The following ADAM29 variants were observed in gnomAD, a reference collection of about 807,000 sequenced individuals.
The protein encoded by ADAM29 is disintegrin and metalloproteinase domain-containing protein 29.
For missense variants in ADAM29, 969 were observed against 1,001.8 expected (o/e 0.97, Z 0.44); for synonymous variants, 367 against 342.3 (o/e 1.07, Z -0.80).
intron 2 of ADAM29, among the ~76,000 whole-genome samples, chr4:174,925,503 T>A (rs1384577552): frequency 6.6e-6 from 1 of 152,212 alleles, no homozygotes; most frequent in Non-Finnish European, 1.5e-5. Context: ...ATTAAATGGT[T>A]CTTTTATTAA....
At position 174,975,458 on chromosome 4, in the gene ADAM29, T is replaced by C; in HGVS notation, c.-68T>C. 1 of 1,450,028 alleles carries C rather than the reference T, an allele frequency of 6.9e-7. No individual in the cohort carries two copies. The highest frequency in any genetic ancestry group is 9.1e-7 in the Non-Finnish European group (1 of 1,093,248). The allele number at this position is 1,450,028 out of a possible 1,614,324, so 89.8% of individuals were successfully genotyped here. A position where few individuals can be genotyped will look rare whatever the true frequency, so the allele number is the denominator to read the frequency against. On this transcript the variant is annotated 5_prime_UTR_variant, in exon 5 of 5. Coordinates refer to ENST00000359240, the MANE Select transcript of ADAM29 (RefSeq NM_014269.4). The stretch of plus-strand genomic sequence containing the variant: ...CACCACCTGTGACTCCAGCCCTGAC[T>C]TCTGCTCTGGACCAGTGTTTCCATA...
intron 4 of ADAM29, among the ~76,000 whole-genome samples, chr4:174,938,948 T>A (rs1263086831): frequency 1.3e-5 from 2 of 152,178 alleles, no homozygotes; most frequent in African/African-American, 2.4e-5. Flanking sequence ...CTGCAGTCTT[T>A]GTCTCCATCA....
In ADAM29 at chr4:174,926,643, AT is replaced by A. The variant is rs138833036; in HGVS notation, c.-450-4342del. Among the ~76,000 whole-genome samples the A allele has an allele frequency of 6.3e-3, 951 of 151,390 alleles. 6 individuals carry two copies. The highest frequency in any genetic ancestry group is 0.027 in the Middle Eastern group (8 of 294). The stretch of plus-strand genomic sequence containing the variant: ...TTAGGGAGTGTCGTGGTGCAAGCCT[AT>A]AATCCCTGCTACTCAGGAGGCTGAG... On this transcript the variant is annotated intron_variant, in intron 2 of 4. Transcript: ENST00000359240.
chr4:174,966,906 C>T (rs2111084929), intron 4 of ADAM29, among the ~76,000 whole-genome samples: 1 of 152,256 alleles, frequency 6.6e-6, no homozygotes, highest in African/African-American at 2.4e-5. Flanking sequence ...TCATTTCATC[C>T]CATCACTTTC....
At chr4:174,924,605 A>T (rs1486251394) in intron 2 of ADAM29, among the ~76,000 whole-genome samples, 5 of 152,230 alleles carry the variant, frequency 3.3e-5, no homozygotes, top group African/African-American at 1.2e-4. Flanking sequence ...CGACATATCA[A>T]TACAATGGAT....
chr4:174,923,560 T>TATATATGG (rs70947473), intron 2 of ADAM29, among the ~76,000 whole-genome samples: 272 of 115,908 alleles, frequency 2.3e-3, no homozygotes, highest in Middle Eastern at 5.5e-3. Context: ...TATATATATA[T>TATATATGG]ACACACACAC....
At chr4:174,932,721 A>G (rs1446042841) in intron 3 of ADAM29, among the ~76,000 whole-genome samples, 2 of 152,210 alleles carry the variant, frequency 1.3e-5, no homozygotes, top group Non-Finnish European at 2.9e-5. Context: ...CCCTTTGTCC[A>G]AACTAAATGA....
intron 2 of ADAM29, among the ~76,000 whole-genome samples, chr4:174,925,191 T>C (rs866941233): frequency 7.9e-5 from 12 of 152,248 alleles, no homozygotes; most frequent in Non-Finnish European, 1.6e-4. Flanking sequence ...GGATGGGACC[T>C]TGGAATCACA....
In ADAM29 at chr4:174,975,638, G is replaced by A; in HGVS notation, c.113G>A (p.Arg38Lys). 1 of 1,612,886 alleles carries A rather than the reference G, an allele frequency of 6.2e-7. No individual in the cohort carries two copies. The highest frequency in any genetic ancestry group is 8.5e-7 in the Non-Finnish European group (1 of 1,179,434). Residue 38 changes from arginine to lysine, a missense_variant, in exon 5 of 5, where the codon AGG becomes AAG. Arg to Lys is a conservative substitution (Grantham distance 26). Transcript: ENST00000359240. ...HSPPDVVIPV[R>K]ITGTTRGMTP... ...CCTCCGGATGTGGTGATTCCTGTGA[G>A]GATAACTGGCACCACCAGAGGCATG... is the stretch of plus-strand genomic sequence containing the variant.
rs1188083761 is a variant in ADAM29 at position 174,934,955 on chromosome 4, T to C, written c.-261-1978T>C. On this transcript the variant is annotated intron_variant, in intron 3 of 4. Coordinates refer to ENST00000359240, the MANE Select transcript of ADAM29 (RefSeq NM_014269.4). ...AAATTAATACTTTTAGTTCATATTA[T>C]ATTACCTGAATGGATAGAAAGAAAA... is the stretch of plus-strand genomic sequence containing the variant. Among the ~76,000 whole-genome samples, 4 of 152,194 alleles carry C rather than the reference T, an allele frequency of 2.6e-5. No individual in the cohort carries two copies. The East Asian group carries it at 7.7e-4, about 29-fold the overall frequency.
chr4:174,977,993 A>G lies in ADAM29; in HGVS notation c.*5A>G. ...CCTCCTGTGACGCCCTCCTAGAGCC[A>G]ACCTCAGTTGATGCCTTCCCAGAGT... On this transcript the variant is annotated 3_prime_UTR_variant, in exon 5 of 5. Coordinates refer to ENST00000359240, the MANE Select transcript of ADAM29 (RefSeq NM_014269.4). 1 of 1,600,554 alleles carries G rather than the reference A, an allele frequency of 6.2e-7. No homozygotes were observed. Among genetic ancestry groups the G allele is most frequent in the African/African-American group, 1.3e-5 (1 of 74,648 alleles).
intron 4 of ADAM29, among the ~76,000 whole-genome samples, chr4:174,954,821 G>A (rs1034688496): frequency 6.6e-6 from 1 of 151,818 alleles, no homozygotes; most frequent in African/African-American, 2.4e-5. Flanking sequence ...GAATGGGCTT[G>A]GATTAAATGT....
chr4:174,925,936 T>C (rs927043666), intron 2 of ADAM29, among the ~76,000 whole-genome samples: 5 of 152,128 alleles, frequency 3.3e-5, no homozygotes, highest in Admixed American at 6.5e-5. Flanking sequence ...GATCACACAA[T>C]AACAACACTG....
At chr4:174,969,993 A>G (rs1392818490) in intron 4 of ADAM29, among the ~76,000 whole-genome samples, 1 of 152,080 alleles carries the variant, frequency 6.6e-6, no homozygotes, top group Admixed American at 6.6e-5. Flanking sequence ...TCTGTATTAG[A>G]AGGCACCTGT....
chr4:174,922,250 A>G (rs180988768), intron 2 of ADAM29, among the ~76,000 whole-genome samples: 9 of 152,354 alleles, frequency 5.9e-5, no homozygotes, highest in African/African-American at 2.2e-4. Context: ...TGTGTTGATG[A>G]CAATAGCTTA....
intron 4 of ADAM29, among the ~76,000 whole-genome samples, chr4:174,942,743 A>G (rs916833581): frequency 3.3e-5 from 5 of 152,184 alleles, no homozygotes; most frequent in African/African-American, 1.2e-4. Flanking sequence ...TTGGCTATTA[A>G]CATTCAGCTT....
At chr4:174,920,461 C>T (rs1425776256) in intron 1 of ADAM29, among the ~76,000 whole-genome samples, 1 of 152,060 alleles carries the variant, frequency 6.6e-6, no homozygotes, top group Non-Finnish European at 1.5e-5. Flanking sequence ...GCCCCCTAAC[C>T]ACTGCTTCCT....
intron 4 of ADAM29, among the ~76,000 whole-genome samples, chr4:174,964,332 C>T (rs1023160611): frequency 6.6e-6 from 1 of 151,980 alleles, no homozygotes; most frequent in African/African-American, 2.4e-5. Context: ...CAGCCATCTA[C>T]AAGCCAAGTG....
intron 4 of ADAM29, among the ~76,000 whole-genome samples, chr4:174,942,473 C>T (rs1383258974): frequency 6.6e-6 from 1 of 152,144 alleles, no homozygotes; most frequent in African/African-American, 2.4e-5. Flanking sequence ...ACCCACAGGC[C>T]CAATACCATG....
Sources: allele counts gnomAD v4.1 joint callset (sites outside exome capture counted in the v4.1 genomes callset), GRCh38; gene constraint gnomAD v4.1.1; transcripts MANE v1.5; gene names NCBI Gene and HGNC (gene_info 2026-07-23, HGNC 2026-07-21).